The following EIF3M variants were observed in gnomAD, a reference collection of about 807,000 sequenced individuals.
EIF3M encodes the protein B5 receptor.
A neutral mutation model predicts 49.7 loss-of-function variants in EIF3M; 25 were observed. The observed-to-expected ratio is 0.50, with a 90% CI of 0.37 to 0.70. EIF3M has a LOEUF of 0.70. Among genes scored for constraint, EIF3M ranks in the 30% least tolerant of loss-of-function variants. The pLI, the probability that EIF3M is intolerant of heterozygous loss-of-function variation, is 0.00. For synonymous variants in EIF3M, 156 were observed against 149.8 expected (o/e 1.04, Z -0.30); for missense variants, 350 against 440.0 (o/e 0.80, Z 1.83).
At chr11:32,589,671 C>T in intron 5 of EIF3M, 30 bp downstream of exon 5, 1 of 1,590,556 alleles carries the variant, frequency 6.3e-7, no homozygotes, top group Non-Finnish European at 8.6e-7. Context: ...TAACATATCA[C>T]TTAACAGACA....
At chr11:32,589,325 C>T (rs1855056515) in intron 4 of EIF3M, among the ~76,000 whole-genome samples, 190 bp downstream of exon 4, 1 of 152,080 alleles carries the variant, frequency 6.6e-6, no homozygotes. Flanking sequence ...TACAGGCATG[C>T]GCCACCACGC....
rs990442462 is a variant in EIF3M at position 32,604,422 on chromosome 11, A to G, written c.*2023A>G. The G allele has an allele frequency of 2.0e-5, 3 of 152,184 alleles. No homozygotes were observed. Among genetic ancestry groups the G allele is most frequent in the African/African-American group, 7.2e-5 (3 of 41,444 alleles). The allele number at this position is 152,184 out of a possible 1,614,324, so 9.4% of individuals were successfully genotyped here. ...CATACTGTGTTGTGTTTTAGTTGAA[A>G]GGGATATACACGTGTATTTTAGAAA... On this transcript the variant is annotated 3_prime_UTR_variant, in exon 11 of 11. Transcript: ENST00000531120.
chr11:32,598,561 GTTCT>G lies in EIF3M; in HGVS notation c.800-2125_800-2122del, dbSNP rs562213394. Among the ~76,000 whole-genome samples the G allele has an allele frequency of 9.1e-4, 139 of 152,070 alleles. 5 individuals are homozygous for G. In the South Asian group the frequency reaches 0.026, roughly 29 times the overall value. ...AAGAGTCCTAAGGGTTTTAAGTTTG[GTTCT>G]TTGTTACTTTAAACATCAATTTAAA... On this transcript the variant is annotated intron_variant, in intron 8 of 10. Transcript: ENST00000531120.
chr11:32,589,108 C>T lies in EIF3M; in HGVS notation c.411C>T (p.Ile137=), dbSNP rs1855052089. The T allele has an allele frequency of 1.2e-6, 2 of 1,614,084 alleles. No homozygotes were observed. The highest frequency in any genetic ancestry group is 1.7e-6 in the Non-Finnish European group (2 of 1,180,050). ...AAGTGGCAGCATCTTGTGGGGCCAT[C>T]CAGTACATCCCAACTGAGCTGGATC... ...LIKVAASCGA[I]QYIPTELDQV... is the part of the protein sequence containing the mutation. The change falls in exon 4 of 11, where the codon ATC becomes ATT. Residue 137 remains isoleucine (I), a synonymous_variant. Coordinates refer to ENST00000531120, the MANE Select transcript of EIF3M (RefSeq NM_006360.6).
chr11:32,587,156 ATTT>A lies in EIF3M; in HGVS notation c.175+17_175+19del, dbSNP rs751509568. On this transcript the variant is annotated intron_variant, in intron 2 of 10. Coordinates refer to ENST00000531120, the MANE Select transcript of EIF3M (RefSeq NM_006360.6). ...GGAGGATGATAAAGGTTTGTTTTTA[ATTT>A]TTTTCTAATATTTCCTAATAAAATC... 2.5e-5 allele frequency: 38 copies of A among 1,545,166 alleles called. No individual in the cohort carries two copies. The highest frequency in any genetic ancestry group is 3.1e-5 in the Non-Finnish European group (36 of 1,146,554).
At chr11:32,594,221 C>T (rs986579610) in intron 6 of EIF3M, 1 of 282,910 alleles carries the variant, frequency 3.5e-6, no homozygotes, top group Non-Finnish European at 6.5e-6. Flanking sequence ...AGAATTAGAA[C>T]CTAATCTTGG....
chr11:32,589,021 C>T lies in EIF3M; in HGVS notation c.324C>T (p.Asn108=). Residue 108 remains asparagine (N), a synonymous_variant, in exon 4 of 11, where the codon AAC becomes AAT. Coordinates refer to ENST00000531120, the MANE Select transcript of EIF3M (RefSeq NM_006360.6). Reference sequence around the variant, plus strand: ...TTTGTTAACCAACCAGGTTAAGCAACCTTTTCCACGGGATGGATAAGAATA... The same window carrying T: ...TTTGTTAACCAACCAGGTTAAGCAATCTTTTCCACGGGATGGATAAGAATA... ...RPSLRLQLLS[N]LFHGMDKNTP... 2 of 1,613,718 alleles carry T rather than the reference C, an allele frequency of 1.2e-6. No homozygotes were observed. The highest frequency in any genetic ancestry group is 1.7e-6 in the Non-Finnish European group (2 of 1,179,874).
rs1855060711 is a variant in EIF3M, at chr11:32,589,526, CCTTTT to C, written c.439-20_439-16del. The C allele has an allele frequency of 2.5e-6, 4 of 1,601,708 alleles. No individual in the cohort carries two copies. In the East Asian group the frequency reaches 8.9e-5, roughly 36 times the overall value. ...CTTTATATGTGTTACTCAGTTTTCT[CCTTTT>C]GTCAATCTCTTGTAGGTTAGAAAAT... On this transcript the variant is annotated splice_polypyrimidine_tract_variant and intron_variant, in intron 4 of 10. Coordinates refer to ENST00000531120, the MANE Select transcript of EIF3M (RefSeq NM_006360.6).
intron 6 of EIF3M, 153 bp from the exon 7 acceptor site, chr11:32,594,761 T>A: frequency 1.7e-6 from 1 of 572,746 alleles, no homozygotes; most frequent in Non-Finnish European, 3.0e-6. Context: ...TGTTGGCCTG[T>A]CTTAACCCAA....
In EIF3M at chr11:32,591,480, G is replaced by A. The variant is rs60259032; in HGVS notation, c.533+1839G>A. Reference sequence around the variant, plus strand: ...CCATAATTTACAGGGTAACATGCCTGATGTAATGAAAAGAAAAAGGCAAAG... The same window carrying A: ...CCATAATTTACAGGGTAACATGCCTAATGTAATGAAAAGAAAAAGGCAAAG... On this transcript the variant is annotated intron_variant, in intron 5 of 10. Coordinates refer to ENST00000531120, the MANE Select transcript of EIF3M (RefSeq NM_006360.6). Among the ~76,000 whole-genome samples, 916 of 152,254 alleles carry A rather than the reference G, an allele frequency of 6.0e-3. 10 individuals carry two copies. Among genetic ancestry groups the A allele is most frequent in the African/African-American group, 0.021 (888 of 41,550 alleles).
At chr11:32,594,042 A>G in intron 6 of EIF3M, 93 bp downstream of exon 6, 2 of 825,798 alleles carry the variant, frequency 2.4e-6, no homozygotes, top group Non-Finnish European at 3.5e-6. Context: ...GTTTGCAACT[A>G]CCAGTGATCC....
intron 2 of EIF3M, 43 bp from the exon 3 acceptor site, chr11:32,588,551 T>A (rs1384887716): frequency 6.2e-7 from 1 of 1,600,916 alleles, no homozygotes; most frequent in South Asian, 1.1e-5. Flanking sequence ...ACGCATTGAG[T>A]ATTGTAGTAT....
Position 32,593,679 on chromosome 11 carries a change from T to C in EIF3M, c.534-187T>C, listed in dbSNP as rs767503323. On this transcript the variant is annotated intron_variant, in intron 5 of 10. Coordinates refer to ENST00000531120, the MANE Select transcript of EIF3M (RefSeq NM_006360.6). ...TATTTCCTTCATAGCACTTATTAGT[T>C]ACTTTTCCTTAGTTGTCCATCTTTC... 1.6e-5 allele frequency: 6 copies of C among 384,854 alleles called. No individual in the cohort carries two copies. The Middle Eastern group carries it at 1.9e-3, about 123-fold the overall frequency. The allele number at this position is 384,854 out of a possible 1,614,324, so 23.8% of individuals were successfully genotyped here.
rs1855321982 is a variant in EIF3M at position 32,604,638 on chromosome 11, T to G, written c.*2239T>G. 1 of 152,216 alleles carries G rather than the reference T, an allele frequency of 6.6e-6. No homozygotes were observed. The allele number at this position is 152,216 out of a possible 1,614,324, so 9.4% of individuals were successfully genotyped here. Reference sequence around the variant, plus strand: ...TTCTTAAGTCTGTTAAGAGGATAGCTCCATCATATTCTGTGTTCTGCAAAT... The same window carrying G: ...TTCTTAAGTCTGTTAAGAGGATAGCGCCATCATATTCTGTGTTCTGCAAAT... On this transcript the variant is annotated 3_prime_UTR_variant, in exon 11 of 11. Transcript: ENST00000531120.
chr11:32,592,432 A>G, intron 5 of EIF3M: 2 of 541,270 alleles, frequency 3.7e-6, no homozygotes, highest in South Asian at 2.9e-5. Flanking sequence ...GTTCTTCTGT[A>G]TCTTCTTTAA....
At chr11:32,585,038 A>G (rs1249608306) in intron 1 of EIF3M, among the ~76,000 whole-genome samples, 1 of 152,236 alleles carries the variant, frequency 6.6e-6, no homozygotes, top group Non-Finnish European at 1.5e-5. Flanking sequence ...TTCGCATGGA[A>G]GTTTACTTGT....
chr11:32,600,939 T>C, intron 9 of EIF3M, 107 bp downstream of exon 9: 1 of 1,407,994 alleles, frequency 7.1e-7, no homozygotes, highest in Non-Finnish European at 9.5e-7. Context: ...CAAAGATTTG[T>C]TTATAGCAGA....
At chr11:32,599,930 C>T (rs1374887786) in intron 8 of EIF3M, among the ~76,000 whole-genome samples, 1 of 151,542 alleles carries the variant, frequency 6.6e-6, no homozygotes, top group Non-Finnish European at 1.5e-5. Context: ...CTAGGCCTAA[C>T]ACATTGTTGT....
rs76928917 is a variant in EIF3M, at chr11:32,584,181, A to T, written c.42+252A>T. The T allele has an allele frequency of 1.3e-3, 726 of 570,320 alleles. 1 individual carries two copies. The highest frequency in any genetic ancestry group is 2.0e-3 in the Non-Finnish European group (636 of 319,676). 35.3% of individuals were successfully genotyped at this position (570,320 alleles called of 1,614,324 possible). On this transcript the variant is annotated intron_variant, in intron 1 of 10. Coordinates refer to ENST00000531120, the MANE Select transcript of EIF3M (RefSeq NM_006360.6). The stretch of plus-strand genomic sequence containing the variant: ...TGGTCGGCGTCGGGACTCATTTCTG[A>T]CGACATAGTACTTTTAGACTGATGA...
Sources: gnomAD v4.1 joint callset for allele counts (sites outside exome capture counted in the v4.1 genomes callset) on GRCh38, gnomAD v4.1.1 for gene constraint, MANE v1.5 for transcripts, NCBI Gene and HGNC (gene_info 2026-07-23, HGNC 2026-07-21) for gene names.